Variants in PTPN3 observed in about 807,000 individuals in gnomAD.
The protein encoded by PTPN3 is protein tyrosine phosphatase non-receptor type 3.
A neutral mutation model predicts 132.7 loss-of-function variants in PTPN3; 96 were observed. That is an observed-to-expected ratio of 0.72 (90% CI 0.61 to 0.86). The LOEUF (loss-of-function observed/expected upper bound fraction) is 0.86. Ranked by LOEUF, PTPN3 falls within the 40% of genes least tolerant of loss-of-function variation. The pLI, the probability that PTPN3 is intolerant of heterozygous loss-of-function variation, is 0.00. For missense variants in PTPN3, 1,125 were observed against 1,159.6 expected (o/e 0.97, Z 0.43); for synonymous variants, 398 against 429.0 (o/e 0.93, Z 0.89).
At chr9:109,482,671 C>G (rs1286211643) in intron 1 of PTPN3, among the ~76,000 whole-genome samples, 2 of 152,148 alleles carry the variant, frequency 1.3e-5, no homozygotes, top group African/African-American at 4.8e-5. Context: ...GCTTCCTCTT[C>G]CTGGGTTCCC....
chr9:109,409,767 G>A (rs1329987608), intron 16 of PTPN3, among the ~76,000 whole-genome samples: 1 of 152,078 alleles, frequency 6.6e-6, no homozygotes, highest in African/African-American at 2.4e-5. Flanking sequence ...AGCTGCGATC[G>A]TGCCACTGCA....
chr9:109,381,923 G>A (rs1270463956), intron 24 of PTPN3, 136 bp from the exon 25 acceptor site: 19 of 1,059,346 alleles, frequency 1.8e-5, no homozygotes, highest in South Asian at 6.0e-5. Context: ...CACTCACGGC[G>A]TGCTCTCAAA....
At chr9:109,525,665 G>T in the PTPN3 span, among the ~76,000 whole-genome samples, 1 of 152,206 alleles carries the variant, frequency 6.6e-6, no homozygotes, top group Non-Finnish European at 1.5e-5. Context: ...CCTATATTCT[G>T]CAGCCTCCTG....
chr9:109,456,029 G>A (rs547827613), intron 4 of PTPN3, among the ~76,000 whole-genome samples: 7 of 152,196 alleles, frequency 4.6e-5, no homozygotes, highest in African/African-American at 1.7e-4. Flanking sequence ...ACTTCTGAAC[G>A]CAGAGGATGC....
At chr9:109,487,127 T>C (rs1007355043) in intron 1 of PTPN3, among the ~76,000 whole-genome samples, 2 of 152,160 alleles carry the variant, frequency 1.3e-5, no homozygotes, top group African/African-American at 4.8e-5. Context: ...TAGAACCAGC[T>C]GAGTTTACCT....
chr9:109,398,718 T>C (rs1840800541), intron 19 of PTPN3, among the ~76,000 whole-genome samples: 1 of 152,078 alleles, frequency 6.6e-6, no homozygotes, highest in East Asian at 1.9e-4. Context: ...TGGATGAAAA[T>C]GGACACTGGG....
chr9:109,500,636 A>C (rs545898487), upstream of PTPN3, among the ~76,000 whole-genome samples: 14 of 151,494 alleles, frequency 9.2e-5, no homozygotes, highest in South Asian at 8.4e-4. Flanking sequence ...AAAAAAAAAA[A>C]CCGCAGAAAA....
the PTPN3 span, among the ~76,000 whole-genome samples, chr9:109,520,089 G>A: frequency 6.6e-6 from 1 of 151,668 alleles, no homozygotes; most frequent in Admixed American, 6.6e-5. Flanking sequence ...AACCCAGGAG[G>A]TGGAGCTTGC....
At chr9:109,400,223 C>T (rs1369311690) in intron 19 of PTPN3, among the ~76,000 whole-genome samples, 1 of 152,182 alleles carries the variant, frequency 6.6e-6, no homozygotes, top group Non-Finnish European at 1.5e-5. Flanking sequence ...CCCTCATGTC[C>T]GGCCTGTGAC....
At chr9:109,389,136 C>A in intron 22 of PTPN3, 97 bp downstream of exon 22, 1 of 1,474,202 alleles carries the variant, frequency 6.8e-7, no homozygotes. Context: ...CGGGCTGGAC[C>A]AGGAGACGCT....
Position 109,382,430 on chromosome 9 carries a change from T to C in PTPN3, c.2400A>G (p.Thr800=), listed in dbSNP as rs754431251. The change falls in exon 24 of 26, where the codon ACA becomes ACG. Residue 800 remains threonine, a synonymous_variant. Transcript: ENST00000374541. ...VTNTQTGEEH[T]VTHLQYVAWP... is the part of the protein sequence containing the mutation. ...ATGCGACGTACTGGAGATGTGTCACTGTGTGTTCTTCCCCGGTCTGTGGGA... is the reference window on the plus strand; with the variant it reads ...ATGCGACGTACTGGAGATGTGTCACCGTGTGTTCTTCCCCGGTCTGTGGGA... The C allele has an allele frequency of 1.2e-6, 2 of 1,614,212 alleles. No homozygotes were observed. Among genetic ancestry groups the C allele is most frequent in the Non-Finnish European group, 8.5e-7 (1 of 1,180,040 alleles).
At chr9:109,499,815 C>A (rs1234343331), upstream of PTPN3, among the ~76,000 whole-genome samples, 3 of 152,202 alleles carry the variant, frequency 2.0e-5, no homozygotes, top group South Asian at 2.1e-4. Flanking sequence ...GGATTTCCGA[C>A]GGAGCCCGGA....
At chr9:109,487,779 C>T (rs1394200040) in intron 1 of PTPN3, among the ~76,000 whole-genome samples, 1 of 152,116 alleles carries the variant, frequency 6.6e-6, no homozygotes, top group Non-Finnish European at 1.5e-5. Flanking sequence ...AAGGTATTAA[C>T]AAAATAATAA....
chr9:109,453,734 G>A (rs928711220), intron 5 of PTPN3, among the ~76,000 whole-genome samples: 1 of 152,082 alleles, frequency 6.6e-6, no homozygotes, highest in Admixed American at 6.5e-5. Context: ...AACAAAGCTG[G>A]CCTGGTGACT....
chr9:109,410,394 C>T lies in PTPN3; in HGVS notation c.1335G>A (p.Pro445=), dbSNP rs17803052. The change falls in exon 15 of 26, where the codon CCG becomes CCA. Residue 445 remains proline, a synonymous_variant. Coordinates refer to ENST00000374541, the MANE Select transcript of PTPN3 (RefSeq NM_002829.4). The part of the protein sequence containing the change: ...PHQESLSENN[P]AQSYLTQKSS... ...ACTTCTGGGTCAGGTAGCTTTGTGC[C>T]GGATTGTTCTCGGATAAACTCCTTC... 0.068 allele frequency: 110,042 copies of T among 1,613,768 alleles called. 4,132 individuals carry two copies. The highest frequency in any genetic ancestry group is 0.094 in the South Asian group (8,521 of 91,038).
chr9:109,464,581 G>A (rs953988958), intron 1 of PTPN3, among the ~76,000 whole-genome samples: 4 of 152,016 alleles, frequency 2.6e-5, no homozygotes, highest in Admixed American at 6.5e-5. Context: ...TTAAAGTCAC[G>A]ACAATTCAAA....
intron 19 of PTPN3, among the ~76,000 whole-genome samples, chr9:109,403,958 C>T (rs997438500): frequency 2.6e-5 from 4 of 152,124 alleles, no homozygotes; most frequent in African/African-American, 7.2e-5. Context: ...GACACTATGC[C>T]CTCATGGGAT....
chr9:109,493,900 G>T (rs747226432), intron 1 of PTPN3, among the ~76,000 whole-genome samples: 1 of 152,232 alleles, frequency 6.6e-6, no homozygotes, highest in Non-Finnish European at 1.5e-5. Flanking sequence ...CCTGGCGACA[G>T]GGTTGCTGTG....
the PTPN3 span, among the ~76,000 whole-genome samples, chr9:109,528,847 G>A: frequency 6.6e-6 from 1 of 151,924 alleles, no homozygotes. Flanking sequence ...AGTATTAGTT[G>A]TACATATCTA....
Sources: allele counts gnomAD v4.1 joint callset (sites outside exome capture counted in the v4.1 genomes callset), GRCh38; gene constraint gnomAD v4.1.1; transcripts MANE v1.5; gene names NCBI Gene and HGNC (gene_info 2026-07-23, HGNC 2026-07-21).